The following ADARB2 variants were observed in gnomAD, a reference collection of about 807,000 sequenced individuals.
ADARB2 encodes adenosine deaminase RNA specific B2 (inactive).
A neutral mutation model predicts 62.2 loss-of-function variants in ADARB2; 25 were observed. The observed-to-expected ratio is 0.40, with a 90% CI of 0.29 to 0.56. The LOEUF is 0.56. ADARB2 is among the 20% of genes least tolerant of loss of function. The pLI, the probability that ADARB2 is intolerant of heterozygous loss-of-function variation, is 0.43. For missense variants in ADARB2, 1,071 were observed against 1,077.4 expected, an observed-to-expected ratio of 0.99 and a Z score of 0.08; for synonymous variants, 572 against 500.8, an observed-to-expected ratio of 1.14 and a Z score of -1.90.
intron 1 of ADARB2, among the ~76,000 whole-genome samples, chr10:1,628,303 G>A (rs1008736961): frequency 1.3e-5 from 2 of 152,242 alleles, no homozygotes; most frequent in Non-Finnish European, 2.9e-5. Flanking sequence ...GGTAGTGCCT[G>A]TGATTACTTG....
intron 1 of ADARB2, among the ~76,000 whole-genome samples, chr10:1,652,062 T>C (rs1834118212): frequency 6.6e-6 from 1 of 152,250 alleles, no homozygotes. Flanking sequence ...TTTGTGATTA[T>C]GGTCACTGTA....
At chr10:1,277,353 C>T (rs1043384718) in intron 3 of ADARB2, among the ~76,000 whole-genome samples, 2 of 152,100 alleles carry the variant, frequency 1.3e-5, no homozygotes, top group African/African-American at 4.8e-5. Flanking sequence ...AATTGATAGA[C>T]CGCTAGCAAG....
intron 1 of ADARB2, among the ~76,000 whole-genome samples, chr10:1,442,218 C>T (rs1830916087): frequency 6.6e-6 from 1 of 152,140 alleles, no homozygotes; most frequent in Non-Finnish European, 1.5e-5. Flanking sequence ...TTCCAAGAAC[C>T]CCTTCTGGGG....
intron 1 of ADARB2, among the ~76,000 whole-genome samples, chr10:1,581,987 C>T (rs1833108700): frequency 2.0e-5 from 3 of 152,124 alleles, no homozygotes; most frequent in African/African-American, 7.2e-5. Flanking sequence ...CTACTCACTG[C>T]GGTCCACTGA....
intron 1 of ADARB2, among the ~76,000 whole-genome samples, chr10:1,649,204 A>G (rs1168993859): frequency 6.6e-6 from 1 of 152,212 alleles, no homozygotes; most frequent in Non-Finnish European, 1.5e-5. Context: ...AAATTCAGAA[A>G]AAAAAGAAGG....
chr10:1,679,489 C>T (rs1407398165), intron 1 of ADARB2, among the ~76,000 whole-genome samples: 2 of 152,170 alleles, frequency 1.3e-5, no homozygotes, highest in Non-Finnish European at 2.9e-5. Context: ...GGCTTGAAAT[C>T]TGTCCTGGAC....
intron 1 of ADARB2, among the ~76,000 whole-genome samples, chr10:1,412,891 G>C (rs1218263762): frequency 1.3e-5 from 2 of 152,234 alleles, no homozygotes; most frequent in African/African-American, 4.8e-5. Flanking sequence ...CAGTGTTTTT[G>C]TGACTTTAAC....
chr10:1,359,002 C>G (rs1832223928), intron 3 of ADARB2, among the ~76,000 whole-genome samples: 1 of 152,226 alleles, frequency 6.6e-6, no homozygotes, highest in Non-Finnish European at 1.5e-5. Flanking sequence ...TGCGTTTTTG[C>G]TTAGGAATTC....
intron 3 of ADARB2, among the ~76,000 whole-genome samples, chr10:1,351,675 A>T (rs1832142479): frequency 6.6e-6 from 1 of 151,630 alleles, no homozygotes; most frequent in African/African-American, 2.4e-5. Flanking sequence ...TGCACCCCTC[A>T]CCATCCCATT....
intron 1 of ADARB2, among the ~76,000 whole-genome samples, chr10:1,427,191 G>T (rs1832899718): frequency 6.6e-6 from 1 of 152,246 alleles, no homozygotes; most frequent in South Asian, 2.1e-4. Flanking sequence ...CAGATGTGAT[G>T]CTGAGTACAA....
intron 1 of ADARB2, chr10:1,535,023 C>T (rs41313812): frequency 0.18 from 29,920 of 167,034 alleles, 3,284 homozygotes; most frequent in Non-Finnish European, 0.23. Context: ...CCACCAGGGA[C>T]GGGGTGAGTT....
chr10:1,358,074 G>C (rs560157049), intron 3 of ADARB2, among the ~76,000 whole-genome samples: 6 of 152,252 alleles, frequency 3.9e-5, no homozygotes, highest in Admixed American at 3.3e-4. Flanking sequence ...GACAGACAGA[G>C]AGAGAAGGAG....
chr10:1,195,359 A>G (rs964753201), intron 8 of ADARB2, among the ~76,000 whole-genome samples: 1 of 143,776 alleles, frequency 7.0e-6, no homozygotes, highest in African/African-American at 2.6e-5. Flanking sequence ...TCAGGGAACC[A>G]TCATTCAGTA....
At position 1,704,350 on chromosome 10, in the gene ADARB2, A is replaced by G. The variant is rs920845636; in HGVS notation, c.100+32701T>C. Among the ~76,000 whole-genome samples, 2 of 152,352 alleles carry G rather than the reference A, an allele frequency of 1.3e-5. No homozygotes were observed. The highest frequency in any genetic ancestry group is 2.4e-5 in the African/African-American group (1 of 41,572). The stretch of plus-strand genomic sequence containing the variant: ...CCTGAGCTTGTTTTCCTGCAACTCG[A>G]TGGCCCCACCTGGGGATGATGGGAG... On this transcript the variant is annotated intron_variant, in intron 1 of 9. Coordinates refer to ENST00000381312, the MANE Select transcript of ADARB2 (RefSeq NM_018702.4). The surrounding 1 kb of genome is among the most constrained non-coding windows in gnomAD (Gnocchi z 5.6).
chr10:1,293,757 C>A (rs1187850849), intron 3 of ADARB2, among the ~76,000 whole-genome samples: 1 of 152,208 alleles, frequency 6.6e-6, no homozygotes, highest in African/African-American at 2.4e-5. Context: ...TGACACCAAC[C>A]TCGGAAGATG....
At chr10:1,569,305 C>T (rs1204873636) in intron 1 of ADARB2, among the ~76,000 whole-genome samples, 1 of 152,002 alleles carries the variant, frequency 6.6e-6, no homozygotes, top group Non-Finnish European at 1.5e-5. Context: ...CCAGAATGTA[C>T]CCAGTGGCCT....
chr10:1,610,958 C>T lies in ADARB2; in HGVS notation c.100+126093G>A, dbSNP rs554049390. On this transcript the variant is annotated intron_variant, in intron 1 of 9. Coordinates refer to ENST00000381312, the MANE Select transcript of ADARB2 (RefSeq NM_018702.4). ...GCTTTAACTCATGAATTTTGGGGAC[C>T]TATTCAGCCCATAAAATGTCCACCA... 4.8e-4 allele frequency among the ~76,000 whole-genome samples: 73 copies of T among 152,266 alleles called. 1 individual carries two copies. The highest frequency in any genetic ancestry group is 1.7e-3 in the African/African-American group (71 of 41,556).
At chr10:1,553,950 G>A (rs1036700270) in intron 1 of ADARB2, among the ~76,000 whole-genome samples, 4 of 152,200 alleles carry the variant, frequency 2.6e-5, no homozygotes, top group African/African-American at 7.2e-5. Context: ...AGCAGAGGAG[G>A]CCTGTAAACC....
chr10:1,401,191 G>A (rs574610818), intron 1 of ADARB2, among the ~76,000 whole-genome samples: 33 of 152,294 alleles, frequency 2.2e-4, no homozygotes, highest in African/African-American at 7.5e-4. Context: ...AGGAGCCTCC[G>A]GAGCAGCTGA....
Sources: allele counts gnomAD v4.1 joint callset (sites outside exome capture counted in the v4.1 genomes callset), GRCh38; gene constraint gnomAD v4.1.1; non-coding constraint Gnocchi (gnomAD v3.1); transcripts MANE v1.5; gene names NCBI Gene and HGNC (gene_info 2026-07-23, HGNC 2026-07-21).